DAB1: variants seen among roughly 807,000 people sequenced by gnomAD.
The protein encoded by DAB1 is DAB adaptor protein 1, also known as disabled homolog 1.
In DAB1, 15 loss-of-function variants were observed where a neutral mutation model predicts 64.6. That is an observed-to-expected ratio of 0.23 (90% CI 0.16 to 0.36). The LOEUF (loss-of-function observed/expected upper bound fraction) is 0.36, where lower values mean the gene tolerates loss of function less well. DAB1 is among the 10% of genes least tolerant of loss of function. The pLI is 1.00. For synonymous variants in DAB1, 235 were observed against 251.9 expected, an observed-to-expected ratio of 0.93 and a Z score of 0.64; for missense variants, 596 against 706.7, an observed-to-expected ratio of 0.84 and a Z score of 1.78.
chr1:58,441,960 A>C (rs1182977293), intron 3 of DAB1, among the ~76,000 whole-genome samples: 2 of 152,140 alleles, frequency 1.3e-5, no homozygotes, highest in Non-Finnish European at 2.9e-5. Flanking sequence ...AGGGAGACTG[A>C]GGGATGGTTG....
intron 5 of DAB1, among the ~76,000 whole-genome samples, chr1:58,009,054 C>A (rs1322030835): frequency 1.3e-5 from 2 of 152,110 alleles, no homozygotes; most frequent in African/African-American, 4.8e-5. Flanking sequence ...CACACATATT[C>A]CAGGAAATGT....
rs1463188323 is a variant in DAB1 at position 57,011,376 on chromosome 1, G to GATTCC, written c.1445-109_1445-105dup. 4 of 1,325,048 alleles carry GATTCC rather than the reference G, an allele frequency of 3.0e-6. No homozygotes were observed. In the East Asian group the frequency reaches 9.3e-5, roughly 31 times the overall value. 82.1% of individuals were successfully genotyped at this position (1,325,048 alleles called of 1,614,324 possible). On this transcript the variant is annotated intron_variant, in intron 12 of 14. Transcript: ENST00000371236. ...TGCTTATATTGAAGTCAAATCTTAG[G>GATTCC]ATTCCTCTTCCTATTTCCAGTGGAA...
intron 7 of DAB1, among the ~76,000 whole-genome samples, chr1:57,608,404 G>C (rs557583314): frequency 3.3e-5 from 5 of 152,190 alleles, no homozygotes; most frequent in African/African-American, 9.6e-5. Flanking sequence ...AAGAGAGAGA[G>C]AGAGAGAGAA....
At chr1:57,528,638 A>G (rs1395688377) in intron 7 of DAB1, among the ~76,000 whole-genome samples, 15 of 2,966 alleles carry the variant, frequency 5.1e-3, no homozygotes, top group African/African-American at 6.1e-3. Flanking sequence ...AAGCAGCAGG[A>G]CACACACACA....
At chr1:57,235,118 C>T (rs1667997459) in intron 2 of DAB1, among the ~76,000 whole-genome samples, 1 of 152,084 alleles carries the variant, frequency 6.6e-6, no homozygotes, top group Non-Finnish European at 1.5e-5. Flanking sequence ...CATTTGGGGG[C>T]CATTTGGAAA....
At chr1:57,162,472 T>C (rs72672663) in intron 2 of DAB1, among the ~76,000 whole-genome samples, 9,556 of 152,316 alleles carry the variant, frequency 0.063, 416 homozygotes, top group Non-Finnish European at 0.096. Context: ...GTGTTCACAC[T>C]AGGCATTTGA....
intron 3 of DAB1, among the ~76,000 whole-genome samples, chr1:58,362,949 A>G (rs1388433336): frequency 6.6e-6 from 1 of 152,230 alleles, no homozygotes; most frequent in Non-Finnish European, 1.5e-5. Flanking sequence ...AGAATCCAAG[A>G]TCAAGGTCCA....
At chr1:57,716,290 A>T (rs1490947632) in intron 6 of DAB1, among the ~76,000 whole-genome samples, 1 of 152,240 alleles carries the variant, frequency 6.6e-6, no homozygotes, top group East Asian at 1.9e-4. Flanking sequence ...AGCCAAAGCA[A>T]TCTTGAGGAA....
chr1:57,465,508 A>G (rs890319597), intron 7 of DAB1, among the ~76,000 whole-genome samples: 2 of 152,230 alleles, frequency 1.3e-5, no homozygotes, highest in African/African-American at 4.8e-5. Context: ...AAAGAGCTAA[A>G]TAAATTATTC....
At chr1:58,266,634 C>T (rs1247006122) in intron 4 of DAB1, among the ~76,000 whole-genome samples, 1 of 152,160 alleles carries the variant, frequency 6.6e-6, no homozygotes, top group African/African-American at 2.4e-5. Context: ...TCTGATCTAA[C>T]ATTTGCATGC....
chr1:57,597,086 G>A (rs546138835), intron 7 of DAB1, among the ~76,000 whole-genome samples: 2 of 152,046 alleles, frequency 1.3e-5, no homozygotes, highest in Non-Finnish European at 2.9e-5. Flanking sequence ...CAACACCCCC[G>A]CTCAGCTCAG....
chr1:57,688,102 G>T (rs1646722530), intron 6 of DAB1, among the ~76,000 whole-genome samples: 1 of 152,032 alleles, frequency 6.6e-6, no homozygotes, highest in African/African-American at 2.4e-5. Flanking sequence ...CACAGCAAAA[G>T]AAACTATCAA....
intron 7 of DAB1, among the ~76,000 whole-genome samples, chr1:57,463,102 A>G (rs1686841894): frequency 6.6e-6 from 1 of 152,218 alleles, no homozygotes; most frequent in Admixed American, 6.5e-5. Context: ...TTTAAAAAGC[A>G]TCTATTCCCT....
intron 2 of DAB1, among the ~76,000 whole-genome samples, chr1:58,509,674 AAC>A (rs934720746): frequency 2.6e-5 from 4 of 151,672 alleles, no homozygotes; most frequent in African/African-American, 9.7e-5. Flanking sequence ...AAATAAAGAA[AAC>A]AGAGAATAAA....
chr1:58,502,513 T>C (rs1209468407), intron 3 of DAB1, among the ~76,000 whole-genome samples: 2 of 152,174 alleles, frequency 1.3e-5, no homozygotes, highest in African/African-American at 4.8e-5. Flanking sequence ...TCAACTGCCT[T>C]TGAGGGGAAC....
At chr1:58,010,813 C>T (rs894881344) in intron 5 of DAB1, among the ~76,000 whole-genome samples, 1 of 152,198 alleles carries the variant, frequency 6.6e-6, no homozygotes, top group Non-Finnish European at 1.5e-5. Flanking sequence ...TTCTCCTTCC[C>T]TTATTCCACA....
At chr1:57,527,245 T>A (rs1393744846) in intron 7 of DAB1, among the ~76,000 whole-genome samples, 1 of 152,204 alleles carries the variant, frequency 6.6e-6, no homozygotes, top group Non-Finnish European at 1.5e-5. Context: ...GACTCTGAGC[T>A]CTCATACAGT....
chr1:58,214,668 T>A (rs536834023), intron 4 of DAB1, among the ~76,000 whole-genome samples: 2 of 152,364 alleles, frequency 1.3e-5, no homozygotes, highest in South Asian at 4.1e-4. Flanking sequence ...TCTCTACTCC[T>A]CTCAATTCTT....
chr1:57,799,205 G>A (rs143558562), intron 6 of DAB1, among the ~76,000 whole-genome samples: 82 of 152,340 alleles, frequency 5.4e-4, no homozygotes, highest in African/African-American at 1.4e-3. Flanking sequence ...GGATAATGGA[G>A]CAAGTTAGGG....
Sources: allele counts gnomAD v4.1 joint callset (sites outside exome capture counted in the v4.1 genomes callset), GRCh38; gene constraint gnomAD v4.1.1; transcripts MANE v1.5; gene names NCBI Gene and HGNC (gene_info 2026-07-23, HGNC 2026-07-21).